The following PTPRN2 variants were observed in gnomAD, a reference collection of about 807,000 sequenced individuals.
PTPRN2 encodes protein tyrosine phosphatase receptor type N2, also known as receptor-type tyrosine-protein phosphatase N2.
Under a neutral mutation model 118.8 loss-of-function variants are expected in PTPRN2, and 74 were observed. That is an observed-to-expected ratio of 0.62 (90% CI 0.52 to 0.76). The LOEUF (loss-of-function observed/expected upper bound fraction) is 0.76, where lower values mean the gene tolerates loss of function less well. PTPRN2 is among the 30% of genes least tolerant of loss of function. The pLI is 0.00. For missense variants in PTPRN2, 1,481 were observed against 1,394.4 expected (o/e 1.06, Z -0.99); for synonymous variants, 641 against 608.0 (o/e 1.05, Z -0.80).
At chr7:158,292,848 A>T (rs528315387) in intron 3 of PTPRN2, among the ~76,000 whole-genome samples, 1 of 152,068 alleles carries the variant, frequency 6.6e-6, no homozygotes, top group Non-Finnish European at 1.5e-5. Flanking sequence ...TGGGTGGATC[A>T]GTTGAGGTCA....
Position 157,801,400 on chromosome 7 carries a change from C to T in PTPRN2, c.1788+97273G>A, listed in dbSNP as rs1000913776. On this transcript the variant is annotated intron_variant, in intron 12 of 22. Transcript: ENST00000389418. This position sits in a 1 kb window ranked among gnomAD's most constrained non-coding sequence, Gnocchi z 4.2. ...CGAGGTTTATTTATTCACGGAGAGG[C>T]TCTGCATCACGAGAGTGCTGCGTTA... 1.3e-5 allele frequency among the ~76,000 whole-genome samples: 2 copies of T among 152,160 alleles called. No homozygotes were observed. The highest frequency in any genetic ancestry group is 4.8e-5 in the African/African-American group (2 of 41,432).
chr7:158,087,113 G>A (rs1287137750), intron 10 of PTPRN2, among the ~76,000 whole-genome samples: 1 of 152,224 alleles, frequency 6.6e-6, no homozygotes, highest in Non-Finnish European at 1.5e-5. Context: ...CTGAACCAAA[G>A]CTGTCAGTCT....
chr7:158,197,913 G>A lies in PTPRN2; in HGVS notation c.381-5418C>T, dbSNP rs573828400. The stretch of plus-strand genomic sequence containing the variant: ...TACAATTCAAGATGAGATTTGGGTG[G>A]GGACACAGCCAAACAATATCACTTT... On this transcript the variant is annotated intron_variant, in intron 4 of 22. Coordinates refer to ENST00000389418, the MANE Select transcript of PTPRN2 (RefSeq NM_002847.5). Among the ~76,000 whole-genome samples, 3 of 152,244 alleles carry A rather than the reference G, an allele frequency of 2.0e-5. No homozygotes were observed. In the South Asian group the frequency reaches 6.2e-4, roughly 32 times the overall value.
chr7:157,657,098 CA>C (rs1269233919), intron 13 of PTPRN2, among the ~76,000 whole-genome samples: 7 of 57,070 alleles, frequency 1.2e-4, no homozygotes, highest in East Asian at 5.7e-4. Flanking sequence ...ACATACGCCA[CA>C]CACACACACC....
chr7:158,146,098 G>C (rs981541108), intron 6 of PTPRN2, among the ~76,000 whole-genome samples: 1 of 152,034 alleles, frequency 6.6e-6, no homozygotes. Flanking sequence ...ACAAATACTT[G>C]GTTCTCCATG....
chr7:158,150,916 C>T (rs536380004), intron 6 of PTPRN2, among the ~76,000 whole-genome samples: 2 of 151,996 alleles, frequency 1.3e-5, no homozygotes, highest in African/African-American at 2.4e-5. Flanking sequence ...CAAATGGGCC[C>T]CACACAACAC....
intron 11 of PTPRN2, among the ~76,000 whole-genome samples, chr7:157,958,062 G>C (rs1473151233): frequency 6.6e-6 from 1 of 152,122 alleles, no homozygotes; most frequent in African/African-American, 2.4e-5. Flanking sequence ...GACCAAGTGG[G>C]ATGTATTCCT....
intron 10 of PTPRN2, among the ~76,000 whole-genome samples, chr7:158,098,005 G>A (rs1814783079): frequency 6.6e-6 from 1 of 152,098 alleles, no homozygotes; most frequent in Non-Finnish European, 1.5e-5. Context: ...TGCTCCCCTC[G>A]AGACACCAAC....
chr7:158,254,975 T>C (rs1796933650), intron 3 of PTPRN2, among the ~76,000 whole-genome samples: 1 of 152,250 alleles, frequency 6.6e-6, no homozygotes, highest in Admixed American at 6.5e-5. Flanking sequence ...AGGAAGAAGC[T>C]GCAGAAAAGG....
At chr7:158,248,932 C>T (rs563893490) in intron 3 of PTPRN2, among the ~76,000 whole-genome samples, 11 of 150,106 alleles carry the variant, frequency 7.3e-5, no homozygotes, top group African/African-American at 2.7e-4. Context: ...TGCACACATG[C>T]CACACACATG....
Position 158,263,468 on chromosome 7 carries a change from G to A in PTPRN2, c.277+53351C>T, listed in dbSNP as rs562414821. Among the ~76,000 whole-genome samples the A allele has an allele frequency of 6.6e-5, 10 of 152,272 alleles. No individual in the cohort carries two copies. The South Asian group carries it at 8.3e-4, about 13-fold the overall frequency. ...CACACACAGCCATCTTCTCCCGACCGCATCCCACAGGAGGGGCTTCCTCAC... is the reference window on the plus strand; with the variant it reads ...CACACACAGCCATCTTCTCCCGACCACATCCCACAGGAGGGGCTTCCTCAC... On this transcript the variant is annotated intron_variant, in intron 3 of 22. Transcript: ENST00000389418.
rs570333397 is a variant in PTPRN2 at position 158,165,428 on chromosome 7, TCTC to T, written c.910+1500_910+1502del. On this transcript the variant is annotated intron_variant, in intron 6 of 22. Transcript: ENST00000389418. ...CAGCATCGGCCTCCTCCGCCGTCCT[TCTC>T]CTCCAAGAGAGGAACAAGGAGAAAG... Among the ~76,000 whole-genome samples the T allele has an allele frequency of 3.9e-4, 59 of 152,302 alleles. 1 individual carries two copies. The highest frequency in any genetic ancestry group is 1.4e-3 in the African/African-American group (57 of 41,572).
At chr7:158,478,169 G>A (rs1820403177) in intron 2 of PTPRN2, among the ~76,000 whole-genome samples, 1 of 152,234 alleles carries the variant, frequency 6.6e-6, no homozygotes, top group South Asian at 2.1e-4. Context: ...GGGAGCCGCG[G>A]CCCCAGGTGC....
intron 11 of PTPRN2, among the ~76,000 whole-genome samples, chr7:158,064,941 G>T (rs898274252): frequency 6.6e-6 from 1 of 152,204 alleles, no homozygotes; most frequent in African/African-American, 2.4e-5. Flanking sequence ...TTCCAAAGGG[G>T]CTGCAGGCAG....
intron 13 of PTPRN2, among the ~76,000 whole-genome samples, chr7:157,662,423 G>A (rs1056787014): frequency 1.3e-5 from 2 of 152,222 alleles, no homozygotes; most frequent in African/African-American, 4.8e-5. Context: ...TGACCCCCGA[G>A]CACTCCCACG....
intron 11 of PTPRN2, among the ~76,000 whole-genome samples, chr7:157,924,220 T>C (rs777109708): frequency 4.7e-4 from 72 of 152,320 alleles, no homozygotes; most frequent in Middle Eastern, 3.4e-3. Context: ...AGGAGGTCTA[T>C]GTGGCTTCCT....
chr7:158,188,213 CCT>C (rs1491421240), intron 5 of PTPRN2, among the ~76,000 whole-genome samples: 902 of 70,570 alleles, frequency 0.013, 38 homozygotes, highest in Non-Finnish European at 0.018. Context: ...ACGCTCGCCG[CCT>C]GATGGGGAAG....
At chr7:157,757,725 A>G in intron 12 of PTPRN2, among the ~76,000 whole-genome samples, 1 of 151,894 alleles carries the variant, frequency 6.6e-6, no homozygotes, top group African/African-American at 2.4e-5. Context: ...ATTGCAATTT[A>G]AAAACCTAGC....
chr7:158,045,686 C>T (rs1808789294), intron 11 of PTPRN2, among the ~76,000 whole-genome samples: 1 of 152,200 alleles, frequency 6.6e-6, no homozygotes, highest in Admixed American at 6.5e-5. Context: ...AGTGAGAGAC[C>T]CAGGAGCAGA....
Sources: allele counts gnomAD v4.1 joint callset (sites outside exome capture counted in the v4.1 genomes callset), GRCh38; gene constraint gnomAD v4.1.1; non-coding constraint Gnocchi (gnomAD v3.1); transcripts MANE v1.5; gene names NCBI Gene and HGNC (gene_info 2026-07-23, HGNC 2026-07-21).